The following TSC1 variants were observed in gnomAD, a reference collection of about 807,000 sequenced individuals.
TSC1 encodes the protein hamartin.
TSC1 carries 20 observed loss-of-function variants against 124.3 expected under a neutral mutation model. The observed-to-expected ratio is 0.16, with a 90% CI of 0.11 to 0.23. The LOEUF (loss-of-function observed/expected upper bound fraction) is 0.23, where lower values mean the gene tolerates loss of function less well. Among genes scored for constraint, TSC1 ranks in the 10% least tolerant of loss-of-function variants. The probability of loss-of-function intolerance (pLI) is 1.00; values close to 1 mark genes in which losing one functional copy is unlikely to be tolerated. For synonymous variants in TSC1, 493 were observed against 539.1 expected (o/e 0.91, Z 1.19); for missense variants, 1,124 against 1,448.5 (o/e 0.78, Z 3.64).
chr9:132,911,109 G>A lies in TSC1; in HGVS notation c.1034C>T (p.Thr345Ile), dbSNP rs1845934094. The A allele has an allele frequency of 6.2e-7, 1 of 1,613,494 alleles. No homozygotes were observed. The highest frequency in any genetic ancestry group is 1.7e-5 in the Admixed American group (1 of 60,024). The change falls in exon 11 of 23, where the codon ACT (threonine) becomes ATT (isoleucine). Residue 345 changes from threonine (T) to isoleucine (I), a missense_variant. Physicochemically the swap from Thr to Ile is moderately conservative, Grantham distance 89 (BLOSUM62 -1). Transcript: ENST00000298552. ...TRLITEPPQA[T>I]LWSPSMVCGM... ...ACAAACCATAGATGGGCTCCAAAGAGTAGCCTGGGAAGTTAATAAAGTACA... is the reference window on the plus strand; with the variant it reads ...ACAAACCATAGATGGGCTCCAAAGAATAGCCTGGGAAGTTAATAAAGTACA...
chr9:132,923,743 G>A lies in TSC1; in HGVS notation c.364-251C>T, dbSNP rs1331322604. The A allele has an allele frequency of 7.3e-5, 36 of 493,110 alleles. No individual in the cohort carries two copies. The highest frequency in any genetic ancestry group is 5.6e-4 in the Middle Eastern group (1 of 1,794). 30.5% of individuals were successfully genotyped at this position (493,110 alleles called of 1,614,324 possible). A position where few individuals can be genotyped will look rare whatever the true frequency, so the allele number is the denominator to read the frequency against. ...ACAACACACCTATGCAAAGGCATCC[G>A]GGAGACGAGTTCAAACTTGACTTGG... is the stretch of plus-strand genomic sequence containing the variant. On this transcript the variant is annotated intron_variant, in intron 5 of 22. Transcript: ENST00000298552. The surrounding 1 kb of genome is among the most constrained non-coding windows in gnomAD (Gnocchi z 4.2).
At chr9:132,927,066 A>G in intron 4 of TSC1, 135 bp downstream of exon 4, 1 of 843,860 alleles carries the variant, frequency 1.2e-6, no homozygotes, top group South Asian at 1.5e-5. Context: ...ATGTAGTTAT[A>G]AACTGGGAAC....
chr9:132,931,266 T>C (rs894192398), intron 2 of TSC1: 5 of 152,214 alleles, frequency 3.3e-5, no homozygotes, highest in African/African-American at 1.2e-4. Context: ...AAGACGATAA[T>C]GTCATATCTG....
At chr9:132,914,561 A>T (rs2132041656) in intron 8 of TSC1, among the ~76,000 whole-genome samples, 1 of 152,274 alleles carries the variant, frequency 6.6e-6, no homozygotes, top group Middle Eastern at 3.4e-3. Context: ...AAGTTGATTT[A>T]AAAAATCATG....
chr9:132,938,102 T>C (rs1368736492), intron 1 of TSC1, among the ~76,000 whole-genome samples: 5 of 152,244 alleles, frequency 3.3e-5, no homozygotes, highest in Non-Finnish European at 5.9e-5. Flanking sequence ...ACTAAATTGG[T>C]AGCAATTTTA....
Position 132,921,088 on chromosome 9 carries a change from C to CG in TSC1, c.737+274dup, listed in dbSNP as rs1846524839. Among the ~76,000 whole-genome samples, 1 of 152,064 alleles carries CG rather than the reference C, an allele frequency of 6.6e-6. No homozygotes were observed. Among genetic ancestry groups the CG allele is most frequent in the Non-Finnish European group, 1.5e-5 (1 of 68,012 alleles). The stretch of plus-strand genomic sequence containing the variant: ...TAGCCATATGCTTCACCTCCTGCAT[C>CG]GCCCCATCACTGGCACTACTGAGGT... On this transcript the variant is annotated intron_variant, in intron 8 of 22. Transcript: ENST00000298552. This position sits in a 1 kb window ranked among gnomAD's most constrained non-coding sequence, Gnocchi z 4.3.
Position 132,921,950 on chromosome 9 carries a change from C to A in TSC1, c.532G>T (p.Val178Phe), listed in dbSNP as rs118203395. 5 of 1,614,074 alleles carry A rather than the reference C, an allele frequency of 3.1e-6. No individual in the cohort carries two copies. In the East Asian group the frequency reaches 1.1e-4, roughly 36 times the overall value. Reference sequence around the variant, plus strand: ...GCGTACACACTGGCATGGAGATGGACGAGATAGACTTCCGCCACGTGGCCT... The same window carrying A: ...GCGTACACACTGGCATGGAGATGGAAGAGATAGACTTCCGCCACGTGGCCT... ...KPGHVAEVYLVHLHASVYALF... is the reference protein window; with the variant it reads ...KPGHVAEVYLFHLHASVYALF... Residue 178 changes from valine to phenylalanine, a missense_variant, in exon 7 of 23, where the codon GTC becomes TTC. Transcript: ENST00000298552. The surrounding 1 kb of genome is among the most constrained non-coding windows in gnomAD (Gnocchi z 4.3).
At position 132,896,684 on chromosome 9, in the gene TSC1, C is replaced by T. The variant is rs1020905743; in HGVS notation, c.3046G>A (p.Gly1016Ser). 9.9e-6 allele frequency: 16 copies of T among 1,613,878 alleles called. No individual in the cohort carries two copies. In the South Asian group the frequency reaches 1.2e-4, roughly 12 times the overall value. Residue 1016 changes from glycine (G) to serine (S), a missense_variant, in exon 23 of 23, where the codon GGT (glycine) becomes AGT (serine). Around this residue, in one of 5 missense-constraint regions of TSC1, gnomAD observed 325 missense variants for 383.4 expected, o/e 0.85. Transcript: ENST00000298552. This position sits in a 1 kb window ranked among gnomAD's most constrained non-coding sequence, Gnocchi z 4.5. ...GHNEEASGHN[G>S]ETKTPRPSSA... Reference sequence around the variant, plus strand: ...CTGGGCCTGGGGGTCTTGGTCTCACCGTTGTGGCCAGATGCCTCTTCATTG... The same window carrying T: ...CTGGGCCTGGGGGTCTTGGTCTCACTGTTGTGGCCAGATGCCTCTTCATTG...
At chr9:132,927,001 A>T (rs1846901626) in intron 4 of TSC1, 200 bp downstream of exon 4, 4 of 593,360 alleles carry the variant, frequency 6.7e-6, no homozygotes, top group African/African-American at 1.9e-5. Flanking sequence ...TCTCTGAAAT[A>T]TGTTTTATTT....
intron 8 of TSC1, among the ~76,000 whole-genome samples, chr9:132,919,842 G>A (rs1359074984): frequency 6.6e-6 from 1 of 152,206 alleles, no homozygotes; most frequent in Non-Finnish European, 1.5e-5. Flanking sequence ...TCTTTTTAAT[G>A]AGGGACAGAG....
chr9:132,925,258 AG>A (rs1389438858), intron 5 of TSC1, among the ~76,000 whole-genome samples: 5 of 152,234 alleles, frequency 3.3e-5, no homozygotes, highest in Non-Finnish European at 7.3e-5. Flanking sequence ...ATTTAGAAAC[AG>A]GGATTCCCAA....
intron 8 of TSC1, among the ~76,000 whole-genome samples, chr9:132,913,396 C>T (rs1039107609): frequency 2.6e-5 from 4 of 152,202 alleles, no homozygotes; most frequent in Non-Finnish European, 5.9e-5. Context: ...TCTCTTCCCC[C>T]ACTTCTTGCA....
intron 1 of TSC1, among the ~76,000 whole-genome samples, chr9:132,938,410 A>C (rs1449069855): frequency 6.6e-6 from 1 of 152,204 alleles, no homozygotes; most frequent in African/African-American, 2.4e-5. Context: ...TTGACCCAAA[A>C]GTTGTGTTCT....
At position 132,921,913 on chromosome 9, in the gene TSC1, C is replaced by T. The variant is rs118203402; in HGVS notation, c.569G>A (p.Arg190His). ...LHASVYALFH[R>H]LYGMYPCNFV... ...GTTGCAAGGGTACATTCCATAAAGG[C>T]GATGAAAGAGTGCGTACACACTGGC... The change falls in exon 7 of 23, where the codon CGC becomes CAC. Residue 190 changes from arginine to histidine, a missense_variant. Physicochemically the swap from Arg to His is conservative, Grantham distance 29. Coordinates refer to ENST00000298552, the MANE Select transcript of TSC1 (RefSeq NM_000368.5). The surrounding 1 kb of genome is among the most constrained non-coding windows in gnomAD (Gnocchi z 4.3). 3.7e-6 allele frequency: 6 copies of T among 1,614,122 alleles called. No individual in the cohort carries two copies. Among genetic ancestry groups the T allele is most frequent in the East Asian group, 2.2e-5 (1 of 44,888 alleles).
chr9:132,900,536 A>G (rs548705869), intron 20 of TSC1, 179 bp downstream of exon 20: 5 of 981,864 alleles, frequency 5.1e-6, no homozygotes, highest in Non-Finnish European at 4.7e-6. Flanking sequence ...CCAATAGGAG[A>G]AACAAGCTCA....
rs565173720 is a variant in TSC1, at chr9:132,902,247, T to A, written c.2391+358A>T. On this transcript the variant is annotated intron_variant, in intron 18 of 22. Coordinates refer to ENST00000298552, the MANE Select transcript of TSC1 (RefSeq NM_000368.5). The surrounding 1 kb of genome is among the most constrained non-coding windows in gnomAD (Gnocchi z 5.2). ...GCATTAGTAATTGCAATTATTTTTT[T>A]AAAAATTAATTTATGTGTATTATCT... Among the ~76,000 whole-genome samples the A allele has an allele frequency of 1.4e-4, 21 of 152,332 alleles. No homozygotes were observed. The highest frequency in any genetic ancestry group is 8.3e-4 in the South Asian group (4 of 4,830).
Position 132,903,612 on chromosome 9 carries a change from C to A in TSC1, c.2208+39G>T. On this transcript the variant is annotated intron_variant, in intron 17 of 22. Transcript: ENST00000298552. The surrounding 1 kb of genome is among the most constrained non-coding windows in gnomAD (Gnocchi z 5.9). ...GCTATCATGCTGACCCAAAACAAAACAAAAAGCAAGCTCCACCTGTCCCCT... is the reference window on the plus strand; with the variant it reads ...GCTATCATGCTGACCCAAAACAAAAAAAAAAGCAAGCTCCACCTGTCCCCT... 6.2e-7 allele frequency: 1 copy of A among 1,611,694 alleles called. No homozygotes were observed.
chr9:132,935,137 A>T (rs1439250095), intron 1 of TSC1, 42 bp from the exon 2 acceptor site: 1 of 398,804 alleles, frequency 2.5e-6, no homozygotes, highest in Non-Finnish European at 4.4e-6. Context: ...AAAATCCCAG[A>T]TGTAATCAAA....
Position 132,902,047 on chromosome 9 carries a change from G to A in TSC1, c.2392-348C>T. 3.8e-6 allele frequency: 1 copy of A among 264,506 alleles called. No individual in the cohort carries two copies. The highest frequency in any genetic ancestry group is 5.3e-5 in the South Asian group (1 of 18,712). The allele number at this position is 264,506 out of a possible 1,614,324, so 16.4% of individuals were successfully genotyped here. ...TTGGACACTCTGTGAATTACTAACT[G>A]GCTGGAAATGATGCTGTGTCTGTGG... On this transcript the variant is annotated intron_variant, in intron 18 of 22. Transcript: ENST00000298552. This position sits in a 1 kb window ranked among gnomAD's most constrained non-coding sequence, Gnocchi z 5.2.
Sources: allele counts gnomAD v4.1 joint callset (sites outside exome capture counted in the v4.1 genomes callset), GRCh38; gene constraint gnomAD v4.1.1; regional missense constraint gnomAD v4.1.1; non-coding constraint Gnocchi (gnomAD v3.1); transcripts MANE v1.5; gene names NCBI Gene and HGNC (gene_info 2026-07-23, HGNC 2026-07-21).